Variants in A4GALT observed in about 807,000 individuals in gnomAD.
A4GALT encodes the protein lactosylceramide 4-alpha-galactosyltransferase.
For missense variants in A4GALT, 512 were observed against 486.0 expected, an observed-to-expected ratio of 1.05 and a Z score of -0.50; for synonymous variants, 257 against 220.7, an observed-to-expected ratio of 1.16 and a Z score of -1.46.
At chr22:42,711,679 G>C (rs1921708614) in intron 1 of A4GALT, among the ~76,000 whole-genome samples, 1 of 152,000 alleles carries the variant, frequency 6.6e-6, no homozygotes, top group African/African-American at 2.4e-5. Flanking sequence ...TGTTGCCCAG[G>C]CTGCAGTGCA....
intron 1 of A4GALT, among the ~76,000 whole-genome samples, chr22:42,717,956 A>T (rs1457360689): frequency 6.6e-6 from 1 of 152,228 alleles, no homozygotes; most frequent in Admixed American, 6.6e-5. Flanking sequence ...ACGAAGAAAT[A>T]TCTAGCTGGG....
chr22:42,705,051 G>A (rs1057266607), intron 1 of A4GALT, among the ~76,000 whole-genome samples: 3 of 152,160 alleles, frequency 2.0e-5, no homozygotes, highest in Non-Finnish European at 4.4e-5. Flanking sequence ...TGAAAGAGGA[G>A]TGGATGCAGA....
intron 1 of A4GALT, among the ~76,000 whole-genome samples, chr22:42,696,121 C>CAAAAAAGAAAAAA (rs1930910153): frequency 1.9e-5 from 1 of 53,908 alleles, no homozygotes; most frequent in African/African-American, 9.0e-5. Flanking sequence ...GACTCTATCT[C>CAAAAAAGAAAAAA]AAAAAAAAAA....
At chr22:42,712,352 C>T (rs1921770634) in intron 1 of A4GALT, among the ~76,000 whole-genome samples, 2 of 152,176 alleles carry the variant, frequency 1.3e-5, no homozygotes, top group African/African-American at 2.4e-5. Context: ...CACATGCACA[C>T]GTGGGGATAT....
chr22:42,698,904 A>G (rs979702180), intron 1 of A4GALT, among the ~76,000 whole-genome samples: 2 of 151,902 alleles, frequency 1.3e-5, no homozygotes, highest in South Asian at 2.1e-4. Context: ...TCTCTGCTAC[A>G]CTCCCACCAG....
intron 1 of A4GALT, among the ~76,000 whole-genome samples, chr22:42,700,025 T>C (rs1350670183): frequency 1.3e-5 from 2 of 152,186 alleles, no homozygotes; most frequent in African/African-American, 4.8e-5. Context: ...GAACCCCGAC[T>C]AACCCAGGGG....
intron 1 of A4GALT, among the ~76,000 whole-genome samples, chr22:42,704,966 G>A (rs533942070): frequency 6.6e-6 from 1 of 152,168 alleles, no homozygotes; most frequent in Admixed American, 6.6e-5. Context: ...GAAGGCATGA[G>A]CTACGGCCAG....
chr22:42,702,564 T>A (rs1278914358), intron 1 of A4GALT, among the ~76,000 whole-genome samples: 2 of 152,214 alleles, frequency 1.3e-5, no homozygotes, highest in African/African-American at 4.8e-5. Flanking sequence ...CTGGAACTCC[T>A]GACCTCGGGT....
chr22:42,705,373 G>A (rs957281038), intron 1 of A4GALT, among the ~76,000 whole-genome samples: 1 of 152,100 alleles, frequency 6.6e-6, no homozygotes, highest in African/African-American at 2.4e-5. Flanking sequence ...GCCCGAGGTG[G>A]GTGGATCACT....
rs370661830 is a variant in A4GALT, at chr22:42,707,430, C to T, written c.-187-11799G>A. Among the ~76,000 whole-genome samples, 242 of 151,926 alleles carry T rather than the reference C, an allele frequency of 1.6e-3. 1 individual carries two copies. The highest frequency in any genetic ancestry group is 4.5e-3 in the African/African-American group (187 of 41,424). On this transcript the variant is annotated intron_variant, in intron 1 of 2. Coordinates refer to ENST00000642412, the MANE Select transcript of A4GALT (RefSeq NM_017436.7). Reference sequence around the variant, plus strand: ...CATCACTTTGAGAGGCCGAGGCAGTCGGATCAGTTAAGGACAGGAGTTTGA... The same window carrying T: ...CATCACTTTGAGAGGCCGAGGCAGTTGGATCAGTTAAGGACAGGAGTTTGA...
At chr22:42,713,949 G>C (rs28558176) in intron 1 of A4GALT, among the ~76,000 whole-genome samples, 1 of 150,768 alleles carries the variant, frequency 6.6e-6, no homozygotes, top group Non-Finnish European at 1.5e-5. Context: ...TTCAATACCA[G>C]CCTGGGCAAC....
intron 1 of A4GALT, among the ~76,000 whole-genome samples, chr22:42,710,900 C>T (rs1171438806): frequency 6.6e-6 from 1 of 151,760 alleles, no homozygotes; most frequent in Non-Finnish European, 1.5e-5. Context: ...TGGTGCACAC[C>T]TGTAACCCTA....
intron 1 of A4GALT, among the ~76,000 whole-genome samples, chr22:42,708,292 C>G (rs1049298180): frequency 2.0e-5 from 3 of 152,188 alleles, no homozygotes; most frequent in African/African-American, 7.2e-5. Flanking sequence ...GAGGCTGAGG[C>G]AGGAGAACCC....
rs542365409 is a variant in A4GALT, at chr22:42,696,610, A to G, written c.-187-979T>C. Among the ~76,000 whole-genome samples the G allele has an allele frequency of 2.8e-4, 42 of 152,020 alleles. 1 individual carries two copies. In the South Asian group the frequency reaches 8.5e-3, roughly 31 times the overall value. ...CCTGCATCTTCTCTCCCCGGCACCCAGCTAGGTTCCCAGCACGCAGCAGGC... is the reference window on the plus strand; with the variant it reads ...CCTGCATCTTCTCTCCCCGGCACCCGGCTAGGTTCCCAGCACGCAGCAGGC... On this transcript the variant is annotated intron_variant, in intron 1 of 2. Transcript: ENST00000642412.
chr22:42,692,921 G>T lies in A4GALT; in HGVS notation c.1031C>A (p.Thr344Lys). 3.1e-6 allele frequency: 5 copies of T among 1,607,562 alleles called. No homozygotes were observed. Among genetic ancestry groups the T allele is most frequent in the Non-Finnish European group, 4.2e-6 (5 of 1,179,914 alleles). The part of the protein sequence containing the change: ...LAQLHARYCP[T>K]THEAMKMYL ...GTACATTTTCATGGCCTCGTGCGTC[G>T]TGGGGCAGTAGCGGGCATGCAGCTG... The change falls in exon 3 of 3, where the codon ACG (threonine) becomes AAG (lysine). Residue 344 changes from threonine to lysine, a missense_variant. Physicochemically the swap from Thr to Lys is moderately conservative, Grantham distance 78. Coordinates refer to ENST00000642412, the MANE Select transcript of A4GALT (RefSeq NM_017436.7). This position sits in a 1 kb window ranked among gnomAD's most constrained non-coding sequence, Gnocchi z 4.6.
rs765399339 is a variant in A4GALT, at chr22:42,693,922, C to T, written c.30G>A (p.Arg10=). 2.5e-6 allele frequency: 4 copies of T among 1,603,132 alleles called. No individual in the cohort carries two copies. Among genetic ancestry groups the T allele is most frequent in the Non-Finnish European group, 3.4e-6 (4 of 1,175,488 alleles). Residue 10 remains arginine (R), a synonymous_variant, in exon 3 of 3, where the codon CGG becomes CGA. Transcript: ENST00000642412. ...GCTGCCTTGGGGCGCCCCGGAGCAG[C>T]CGCAGCAGGAGGTCGGGGGGCTTGG... The part of the protein sequence containing the change: MSKPPDLLL[R]LLRGAPRQRV...
intron 1 of A4GALT, among the ~76,000 whole-genome samples, chr22:42,696,366 G>A (rs1367288933): frequency 4.0e-5 from 6 of 150,296 alleles, no homozygotes; most frequent in South Asian, 4.2e-4. Context: ...GTTGCAGTGC[G>A]CCGAGATTGC....
chr22:42,717,396 G>A (rs1349536854), intron 1 of A4GALT, among the ~76,000 whole-genome samples: 1 of 152,086 alleles, frequency 6.6e-6, no homozygotes, highest in African/African-American at 2.4e-5. Flanking sequence ...CCCTCCCAGG[G>A]AGGAAGCACC....
At position 42,692,366 on chromosome 22, in the gene A4GALT, T is replaced by A. The variant is rs1930494292; in HGVS notation, c.*524A>T. The A allele has an allele frequency of 2.1e-5, 6 of 280,582 alleles. No individual in the cohort carries two copies. Among genetic ancestry groups the A allele is most frequent in the South Asian group, 1.7e-4 (5 of 29,914 alleles). 17.4% of individuals were successfully genotyped at this position (280,582 alleles called of 1,614,324 possible). On this transcript the variant is annotated 3_prime_UTR_variant, in exon 3 of 3. Transcript: ENST00000642412. This position sits in a 1 kb window ranked among gnomAD's most constrained non-coding sequence, Gnocchi z 4.6. ...TGGCACTTCTGGGCCTCTGCCCCAC[T>A]CAGTCCCTGTTGACCTCCCCCACCC...
Sources: gnomAD v4.1 joint callset for allele counts (sites outside exome capture counted in the v4.1 genomes callset) on GRCh38, gnomAD v4.1.1 for gene constraint, Gnocchi (gnomAD v3.1) non-coding constraint, MANE v1.5 for transcripts, NCBI Gene and HGNC (gene_info 2026-07-23, HGNC 2026-07-21) for gene names.